ANK3: variants seen among roughly 807,000 people sequenced by gnomAD.
The protein encoded by ANK3 is ankyrin 3.
A neutral mutation model predicts 370.9 loss-of-function variants in ANK3; 57 were observed. The ratio of observed to expected loss-of-function variants is 0.15; its 90% CI spans 0.12 to 0.19. ANK3 has a LOEUF of 0.19. Ranked by LOEUF, ANK3 falls within the 10% of genes least tolerant of loss-of-function variation. ANK3 has a pLI of 1.00. For missense variants in ANK3, 4,439 were observed against 5,302.1 expected (o/e 0.84, Z 5.06); for synonymous variants, 1,929 against 1,946.3 (o/e 0.99, Z 0.23).
intron 1 of ANK3, among the ~76,000 whole-genome samples, chr10:60,725,927 T>G (rs2132030342): frequency 6.6e-6 from 1 of 152,300 alleles, no homozygotes; most frequent in East Asian, 1.9e-4. Context: ...ATGCATTTAT[T>G]TCATCAAATA....
Position 60,166,970 on chromosome 10 carries a change from A to G in ANK3, c.2479-74T>C, listed in dbSNP as rs11814723. On this transcript the variant is annotated intron_variant, in intron 21 of 43. Coordinates refer to ENST00000280772, the MANE Select transcript of ANK3 (RefSeq NM_020987.5). ...AATGGGTCTTTTCATTTATCTCTGA[A>G]TTAATCAGTTTCTTGTGGAATGTAT... is the stretch of plus-strand genomic sequence containing the variant. 0.61 allele frequency: 738,163 copies of G among 1,212,570 alleles called. 225,322 individuals carry two copies. Among genetic ancestry groups the G allele is most frequent in the Middle Eastern group, 0.65 (3,385 of 5,248 alleles). 75.1% of individuals were successfully genotyped at this position (1,212,570 alleles called of 1,614,324 possible). A position where few individuals can be genotyped will look rare whatever the true frequency, so the allele number is the denominator to read the frequency against.
chr10:60,161,266 C>T (rs4369347), intron 23 of ANK3, among the ~76,000 whole-genome samples: 2 of 151,936 alleles, frequency 1.3e-5, no homozygotes, highest in East Asian at 3.9e-4. Flanking sequence ...AAGGAGAACC[C>T]TCATATGCTA....
chr10:60,386,842 G>T (rs370789775), intron 1 of ANK3, among the ~76,000 whole-genome samples: 1 of 152,002 alleles, frequency 6.6e-6, no homozygotes, highest in South Asian at 2.1e-4. Flanking sequence ...GCTTTTGAGC[G>T]TATCCACTAT....
intron 2 of ANK3, among the ~76,000 whole-genome samples, chr10:60,601,105 A>G (rs2133305186): frequency 6.6e-6 from 1 of 152,118 alleles, no homozygotes; most frequent in Middle Eastern, 3.4e-3. Flanking sequence ...ATAGATGTCA[A>G]AAATAGACTT....
intron 1 of ANK3, among the ~76,000 whole-genome samples, chr10:60,700,823 G>GC (rs922442122): frequency 3.9e-5 from 6 of 152,044 alleles, no homozygotes; most frequent in African/African-American, 1.4e-4. Flanking sequence ...AAATATGGAA[G>GC]CCATCTAAAC....
chr10:60,286,564 T>C (rs1247467193), intron 1 of ANK3, among the ~76,000 whole-genome samples: 1 of 152,176 alleles, frequency 6.6e-6, no homozygotes, highest in East Asian at 1.9e-4. Flanking sequence ...TGGCACTACT[T>C]GGGGTGCATA....
rs552682892 is a variant in ANK3, at chr10:60,641,427, A to G, written c.58-26203T>C. ...AAAACAGCATGGTACTGGTACCAAA[A>G]CAGAGATATAGATCAATGGAACAGA... On this transcript the variant is annotated intron_variant, in intron 1 of 43. Transcript: ENST00000373827. Among the ~76,000 whole-genome samples the G allele has an allele frequency of 2.4e-3, 370 of 152,096 alleles. 1 individual carries two copies. Among genetic ancestry groups the G allele is most frequent in the African/African-American group, 8.7e-3 (359 of 41,498 alleles).
At chr10:60,112,604 G>A (rs1301060414) in intron 26 of ANK3, among the ~76,000 whole-genome samples, 1 of 151,992 alleles carries the variant, frequency 6.6e-6, no homozygotes, top group Non-Finnish European at 1.5e-5. Flanking sequence ...AATCTATAAC[G>A]GTATTTTAAC....
At chr10:60,360,538 G>C (rs945936309) in intron 1 of ANK3, among the ~76,000 whole-genome samples, 6 of 152,094 alleles carry the variant, frequency 3.9e-5, no homozygotes, top group Non-Finnish European at 8.8e-5. Context: ...GTAAGACCCT[G>C]TCTCTACAAA....
intron 1 of ANK3, among the ~76,000 whole-genome samples, chr10:60,292,713 CTT>C (rs55791354): frequency 2.3e-4 from 32 of 138,908 alleles, no homozygotes; most frequent in Middle Eastern, 3.4e-3. Flanking sequence ...GACTTTCTTT[CTT>C]TTTTTTTTTT....
At chr10:60,061,473 T>C (rs1236447505) in intron 40 of ANK3, among the ~76,000 whole-genome samples, 1 of 152,180 alleles carries the variant, frequency 6.6e-6, no homozygotes, top group Non-Finnish European at 1.5e-5. Flanking sequence ...TTAACAACTA[T>C]TTTTTCCAAT....
chr10:60,545,153 A>G (rs2076935082), intron 2 of ANK3, among the ~76,000 whole-genome samples: 1 of 150,934 alleles, frequency 6.6e-6, no homozygotes, highest in African/African-American at 2.4e-5. Context: ...TTGATAAAAG[A>G]CTGTAAAGGA....
rs77222060 is a variant in ANK3 at position 60,673,966 on chromosome 10, C to T, written c.58-58742G>A. Among the ~76,000 whole-genome samples the T allele has an allele frequency of 3.6e-4, 55 of 152,272 alleles. 2 individuals carry two copies. In the East Asian group the frequency reaches 3.7e-3, roughly 10 times the overall value. ...GCAAAGAGTCTTCACTGCTCAGATA[C>T]GGTCAAGTTCAGTTCACCAGGGTAG... On this transcript the variant is annotated intron_variant, in intron 1 of 43. Coordinates refer to the ANK3 transcript ENST00000373827.
intron 28 of ANK3, among the ~76,000 whole-genome samples, chr10:60,104,970 A>C (rs778263661): frequency 5.3e-5 from 8 of 152,166 alleles, no homozygotes; most frequent in Non-Finnish European, 8.8e-5. Context: ...CAAGTACCCT[A>C]CGGTTCACCT....
rs996010461 is a variant in ANK3, at chr10:60,643,442, G to A, written c.58-28218C>T. On this transcript the variant is annotated intron_variant, in intron 1 of 43. Transcript: ENST00000373827. ...GCTCTACTTGCTCCACAAGCTTGCA[G>A]ACAGCCTATTGTGGGATCTTGTGAT... 1.2e-4 allele frequency among the ~76,000 whole-genome samples: 18 copies of A among 152,124 alleles called. 1 individual carries two copies. Among genetic ancestry groups the A allele is most frequent in the Non-Finnish European group, 4.4e-5 (3 of 68,044 alleles).
In ANK3 at chr10:60,086,935, T is replaced by TTC. The variant is rs59288815; in HGVS notation, c.3541-52_3541-51insGA. 10 of 1,175,340 alleles carry TTC rather than the reference T, an allele frequency of 8.5e-6. No homozygotes were observed. In the South Asian group the frequency reaches 1.5e-4, roughly 18 times the overall value. The allele number at this position is 1,175,340 out of a possible 1,614,324, so 72.8% of individuals were successfully genotyped here. A position where few individuals can be genotyped will look rare whatever the true frequency, so the allele number is the denominator to read the frequency against. ...TGAAAGTGACTTTTTTTTTTTTTTT[T>TTC]CCCAATCATGAAGTTTACTTTTTAA... On this transcript the variant is annotated intron_variant, in intron 29 of 43. Coordinates refer to ENST00000280772, the MANE Select transcript of ANK3 (RefSeq NM_020987.5).
chr10:60,500,928 T>C (rs547087438), intron 2 of ANK3, among the ~76,000 whole-genome samples: 1 of 152,286 alleles, frequency 6.6e-6, no homozygotes, highest in South Asian at 2.1e-4. Flanking sequence ...ATTAAACAAA[T>C]ATTACCATTT....
intron 2 of ANK3, among the ~76,000 whole-genome samples, chr10:60,436,254 T>A (rs1471083010): frequency 2.0e-5 from 3 of 152,242 alleles, no homozygotes; most frequent in African/African-American, 7.2e-5. Context: ...TGTTGGCTAT[T>A]ATCAACAATG....
chr10:60,135,762 C>T lies in ANK3; in HGVS notation c.2739-1389G>A, dbSNP rs532385783. ...AACAATTTCTTTTCCCCACTGCCTG[C>T]TATACTAAAGAAAATCAGAAAGTGG... On this transcript the variant is annotated intron_variant, in intron 24 of 43. Coordinates refer to ENST00000280772, the MANE Select transcript of ANK3 (RefSeq NM_020987.5). Among the ~76,000 whole-genome samples the T allele has an allele frequency of 1.1e-4, 16 of 152,236 alleles. No homozygotes were observed. In the East Asian group the frequency reaches 3.1e-3, roughly 29 times the overall value.
Sources: allele counts gnomAD v4.1 joint callset (sites outside exome capture counted in the v4.1 genomes callset), GRCh38; gene constraint gnomAD v4.1.1; transcripts MANE v1.5; gene names NCBI Gene and HGNC (gene_info 2026-07-23, HGNC 2026-07-21).